RAPGEF5: variants seen among roughly 807,000 people sequenced by gnomAD.
RAPGEF5 encodes the protein M-Ras-regulated GEF.
A neutral mutation model predicts 125.2 loss-of-function variants in RAPGEF5; 65 were observed. The observed-to-expected ratio is 0.52, with a 90% CI of 0.43 to 0.64. The LOEUF (loss-of-function observed/expected upper bound fraction) is 0.64, where lower values mean the gene tolerates loss of function less well. RAPGEF5 is among the 30% of genes least tolerant of loss of function. The probability of loss-of-function intolerance (pLI) is 0.00; values close to 1 mark genes in which losing one functional copy is unlikely to be tolerated. For missense variants in RAPGEF5, 958 were observed against 1,048.1 expected (o/e 0.91, Z 1.19); for synonymous variants, 391 against 385.9 (o/e 1.01, Z -0.16).
chr7:22,343,818 G>A (rs1289985901), intron 1 of RAPGEF5, among the ~76,000 whole-genome samples: 2 of 152,026 alleles, frequency 1.3e-5, no homozygotes, highest in African/African-American at 2.4e-5. Flanking sequence ...TTCAATACAC[G>A]GTGACAAAAT....
chr7:22,291,707 C>A (rs895122891), intron 5 of RAPGEF5, among the ~76,000 whole-genome samples: 1 of 152,132 alleles, frequency 6.6e-6, no homozygotes, highest in Non-Finnish European at 1.5e-5. Context: ...AGGCCTAATA[C>A]CACTATGGGA....
chr7:22,194,132 A>T, intron 9 of RAPGEF5, 99 bp from the exon 10 acceptor site: 1 of 1,060,542 alleles, frequency 9.4e-7, no homozygotes, highest in Non-Finnish European at 1.4e-6. Flanking sequence ...TATTTTCTAG[A>T]GTTGCTTTAC....
intron 1 of RAPGEF5, among the ~76,000 whole-genome samples, chr7:22,339,299 T>G (rs1473914738): frequency 6.6e-6 from 1 of 152,240 alleles, no homozygotes; most frequent in Non-Finnish European, 1.5e-5. Context: ...CTCTGCCTTA[T>G]GCCTCTCAGT....
At chr7:22,221,574 A>G (rs1464312910) in intron 8 of RAPGEF5, among the ~76,000 whole-genome samples, 1 of 152,160 alleles carries the variant, frequency 6.6e-6, no homozygotes. Flanking sequence ...AGGTAATTTA[A>G]TCATAGGGGC....
intron 11 of RAPGEF5, among the ~76,000 whole-genome samples, chr7:22,172,478 T>C (rs1433372732): frequency 6.6e-6 from 1 of 152,162 alleles, no homozygotes; most frequent in Non-Finnish European, 1.5e-5. Context: ...TTAATTTTAT[T>C]TGAATGTATT....
chr7:22,327,054 C>T (rs1783828115), intron 1 of RAPGEF5, among the ~76,000 whole-genome samples: 1 of 152,166 alleles, frequency 6.6e-6, no homozygotes, highest in African/African-American at 2.4e-5. Flanking sequence ...CAATTAGTTT[C>T]ACTAACTCCT....
At chr7:22,172,940 T>C (rs564234552) in intron 11 of RAPGEF5, among the ~76,000 whole-genome samples, 72 of 152,342 alleles carry the variant, frequency 4.7e-4, no homozygotes, top group African/African-American at 1.7e-3. Context: ...CAACTGCCTA[T>C]AGTAGCCATT....
intron 11 of RAPGEF5, among the ~76,000 whole-genome samples, chr7:22,176,134 A>G (rs898175955): frequency 6.6e-5 from 10 of 152,176 alleles, no homozygotes; most frequent in African/African-American, 2.4e-4. Context: ...GTGCGTGTCA[A>G]AGGCAAAACA....
intron 1 of RAPGEF5, among the ~76,000 whole-genome samples, chr7:22,349,729 T>C (rs949796372): frequency 3.9e-5 from 6 of 152,228 alleles, no homozygotes; most frequent in African/African-American, 1.4e-4. Flanking sequence ...TGTTTCAATA[T>C]ACCATATGTT....
At chr7:22,176,754 C>G (rs1784521598) in intron 11 of RAPGEF5, among the ~76,000 whole-genome samples, 1 of 152,170 alleles carries the variant, frequency 6.6e-6, no homozygotes, top group Admixed American at 6.5e-5. Context: ...TGGTCCCAAA[C>G]TCCTGACCTC....
intron 7 of RAPGEF5, among the ~76,000 whole-genome samples, chr7:22,233,740 G>A (rs1786117809): frequency 6.6e-6 from 1 of 152,084 alleles, no homozygotes; most frequent in African/African-American, 2.4e-5. Flanking sequence ...TTAATACATA[G>A]AAATAGAACT....
chr7:22,233,986 A>C (rs2128135068), intron 7 of RAPGEF5, among the ~76,000 whole-genome samples: 1 of 152,324 alleles, frequency 6.6e-6, no homozygotes, highest in South Asian at 2.1e-4. Flanking sequence ...ACAAACTCTC[A>C]AAGTTCTGCT....
chr7:22,315,679 A>G (rs898121866), intron 2 of RAPGEF5, among the ~76,000 whole-genome samples: 3 of 151,618 alleles, frequency 2.0e-5, no homozygotes, highest in African/African-American at 7.3e-5. Flanking sequence ...TATTTTAGCT[A>G]CTGGTCCACT....
chr7:22,243,163 T>C (rs1002095008), intron 7 of RAPGEF5, among the ~76,000 whole-genome samples: 1 of 152,142 alleles, frequency 6.6e-6, no homozygotes, highest in Non-Finnish European at 1.5e-5. Context: ...TGTAAGTACT[T>C]ACGGCTCACA....
At chr7:22,179,229 T>C (rs1784599898) in intron 11 of RAPGEF5, among the ~76,000 whole-genome samples, 1 of 152,156 alleles carries the variant, frequency 6.6e-6, no homozygotes, top group African/African-American at 2.4e-5. Flanking sequence ...ATAATACTTC[T>C]TCCAAGCAAT....
intron 12 of RAPGEF5, among the ~76,000 whole-genome samples, 192 bp from the exon 13 acceptor site, chr7:22,162,733 A>ATTT (rs1784046451): frequency 6.6e-6 from 1 of 152,244 alleles, no homozygotes; most frequent in Non-Finnish European, 1.5e-5. Flanking sequence ...TGACTGAAGT[A>ATTT]TACTCGGTAG....
chr7:22,322,389 C>T (rs1300046761), intron 1 of RAPGEF5, among the ~76,000 whole-genome samples: 7 of 152,056 alleles, frequency 4.6e-5, no homozygotes, highest in Admixed American at 6.6e-5. Context: ...TCAAGCAATC[C>T]GCTCGCCTCA....
chr7:22,290,908 T>C (rs1033753741), intron 6 of RAPGEF5, among the ~76,000 whole-genome samples: 26 of 152,114 alleles, frequency 1.7e-4, no homozygotes, highest in Non-Finnish European at 3.4e-4. Context: ...ACGCATACTG[T>C]ATTTAAAAAA....
chr7:22,126,921 C>A (rs1460627946), intron 24 of RAPGEF5, among the ~76,000 whole-genome samples: 1 of 152,096 alleles, frequency 6.6e-6, no homozygotes, highest in East Asian at 1.9e-4. Flanking sequence ...CTGTGGCCGG[C>A]CAACATCAAC....
Sources: allele counts gnomAD v4.1 joint callset (sites outside exome capture counted in the v4.1 genomes callset), GRCh38; gene constraint gnomAD v4.1.1; transcripts MANE v1.5; gene names NCBI Gene and HGNC (gene_info 2026-07-23, HGNC 2026-07-21).